The following IFT140 variants were observed in gnomAD, a reference collection of about 807,000 sequenced individuals.
The protein encoded by IFT140 is intraflagellar transport 140, also known as intraflagellar transport protein 140 homolog.
Under a neutral mutation model 164.6 loss-of-function variants are expected in IFT140, and 133 were observed. That is an observed-to-expected ratio of 0.81 (90% CI 0.70 to 0.93). The LOEUF is 0.93. IFT140 is among the 40% of genes least tolerant of loss of function. IFT140 has a pLI of 0.00. For synonymous variants in IFT140, 860 were observed against 817.3 expected (o/e 1.05, Z -0.89); for missense variants, 2,045 against 1,972.3 (o/e 1.04, Z -0.70).
At chr16:1,565,596 G>A (rs1047808757) in intron 16 of IFT140, among the ~76,000 whole-genome samples, 3 of 152,322 alleles carry the variant, frequency 2.0e-5, no homozygotes, top group East Asian at 3.9e-4. Flanking sequence ...CAGGGTGCCC[G>A]TCCTGCTTTC....
In IFT140 at chr16:1,520,246, T is replaced by C. The variant is rs2141144779; in HGVS notation, c.3758A>G (p.Tyr1253Cys). ...CTTCCGCCAGTCCAGGGACTGCAGG[T>C]AGTTAGCAGCCATGATGTAGATTTC... ...QKEIYIMAAN[Y>C]LQSLDWRKEP... The change falls in exon 28 of 31, where the codon TAC becomes TGC. Residue 1253 changes from tyrosine (Y) to cysteine (C), a missense_variant. Physicochemically the swap from Tyr to Cys is radical, Grantham distance 194. Transcript: ENST00000426508. 6.2e-7 allele frequency: 1 copy of C among 1,614,112 alleles called. No individual in the cohort carries two copies. The highest frequency in any genetic ancestry group is 8.5e-7 in the Non-Finnish European group (1 of 1,180,024).
At chr16:1,575,996 T>C (rs558189528) in intron 13 of IFT140, among the ~76,000 whole-genome samples, 2 of 152,120 alleles carry the variant, frequency 1.3e-5, no homozygotes, top group Non-Finnish European at 2.9e-5. Flanking sequence ...TCAATAAAGA[T>C]ATTTAAAGGC....
intron 19 of IFT140, among the ~76,000 whole-genome samples, chr16:1,544,780 C>T (rs918953577): frequency 3.3e-5 from 5 of 151,782 alleles, no homozygotes; most frequent in Non-Finnish European, 7.4e-5. Flanking sequence ...TCCCGAGTAG[C>T]TGGGACTACA....
rs200228341 is a variant in IFT140, at chr16:1,511,073, C to T, written c.4260G>A (p.Val1420=). ...GACCCAGCCCCCGGTGCACGGCGTC[C>T]ACGGCCTGCGGGCTCACGTAGTAGG... is the stretch of plus-strand genomic sequence containing the variant. ...NMSYYVSPQA[V]DAVHRGLGLP... The change falls in exon 31 of 31, where the codon GTG becomes GTA. Residue 1420 remains valine, a synonymous_variant. Transcript: ENST00000426508. 1 of 1,609,388 alleles carries T rather than the reference C, an allele frequency of 6.2e-7. No individual in the cohort carries two copies.
At chr16:1,611,874 T>C (rs2036329244) in intron 1 of IFT140, 94 bp downstream of exon 1, 1 of 151,760 alleles carries the variant, frequency 6.6e-6, no homozygotes, top group Non-Finnish European at 1.5e-5. Context: ...TCTGCTTTCT[T>C]GCTATGAAGA....
intron 19 of IFT140, among the ~76,000 whole-genome samples, chr16:1,547,769 C>T (rs943507463): frequency 6.6e-6 from 1 of 152,204 alleles, no homozygotes; most frequent in Non-Finnish European, 1.5e-5. Context: ...CTTCTGACCT[C>T]AGGTGATCCA....
rs138965219 is a variant in IFT140 at position 1,569,788 on chromosome 16, A to T, written c.1653-1454T>A. Among the ~76,000 whole-genome samples, 520 of 150,586 alleles carry T rather than the reference A, an allele frequency of 3.5e-3. 5 individuals are homozygous for T. The highest frequency in any genetic ancestry group is 0.012 in the African/African-American group (498 of 41,020). Reference sequence around the variant, plus strand: ...TTTTTTTAAGAAATTGGGTTTCACCATGCTGCCCAGGCTGGTCTTGAACTC... The same window carrying T: ...TTTTTTTAAGAAATTGGGTTTCACCTTGCTGCCCAGGCTGGTCTTGAACTC... On this transcript the variant is annotated intron_variant, in intron 14 of 30. Coordinates refer to ENST00000426508, the MANE Select transcript of IFT140 (RefSeq NM_014714.4).
Position 1,586,119 on chromosome 16 carries a change from G to A in IFT140, c.1155+11C>T. 6.2e-7 allele frequency: 1 copy of A among 1,611,002 alleles called. No individual in the cohort carries two copies. The highest frequency in any genetic ancestry group is 8.5e-7 in the Non-Finnish European group (1 of 1,179,988). On this transcript the variant is annotated intron_variant, in intron 10 of 30. Coordinates refer to ENST00000426508, the MANE Select transcript of IFT140 (RefSeq NM_014714.4). ...GAAAATGAGTGCACCGAACACCCTT[G>A]GAGGCTGTACCTGGATTTGCGTGAT...
At chr16:1,582,140 G>C (rs2141777977) in intron 12 of IFT140, among the ~76,000 whole-genome samples, 1 of 152,282 alleles carries the variant, frequency 6.6e-6, no homozygotes, top group Middle Eastern at 3.4e-3. Flanking sequence ...ACTGCAATGG[G>C]CTGGGAAAGG....
chr16:1,532,993 C>G (rs1054560311), intron 19 of IFT140: 2 of 152,526 alleles, frequency 1.3e-5, no homozygotes, highest in East Asian at 3.8e-4. Flanking sequence ...GAGAGCCCCA[C>G]CCAGCACATC....
chr16:1,520,388 G>A (rs758649714), intron 27 of IFT140, 45 bp from the exon 28 acceptor site: 246 of 1,593,338 alleles, frequency 1.5e-4, no homozygotes, highest in Non-Finnish European at 2.0e-4. Context: ...GGGCTGGGCC[G>A]GGACAAGCAC....
At chr16:1,582,828 G>A (rs983224712) in intron 12 of IFT140, among the ~76,000 whole-genome samples, 6 of 152,362 alleles carry the variant, frequency 3.9e-5, no homozygotes, top group Admixed American at 2.6e-4. Context: ...GCTTGAGCCC[G>A]GGAGGCGGAG....
chr16:1,557,752 C>T (rs2033178587), intron 19 of IFT140, 183 bp downstream of exon 19: 1 of 632,786 alleles, frequency 1.6e-6, no homozygotes, highest in South Asian at 1.9e-5. Flanking sequence ...AGGCTGAGAG[C>T]TTCCCACGTG....
At position 1,531,052 on chromosome 16, in the gene IFT140, C is replaced by T. The variant is rs182589055; in HGVS notation, c.2400-4256G>A. ...CTCCTTCCACAGCCAGCCTCCTGCT[C>T]GAGGGCACCAGCCCCGCGTGATTCC... On this transcript the variant is annotated intron_variant, in intron 19 of 30. Transcript: ENST00000426508. The surrounding 1 kb of genome is among the most constrained non-coding windows in gnomAD (Gnocchi z 4.7). The T allele has an allele frequency of 2.0e-4, 30 of 152,146 alleles. No individual in the cohort carries two copies. The highest frequency in any genetic ancestry group is 6.5e-4 in the African/African-American group (27 of 41,484). 9.4% of individuals were successfully genotyped at this position (152,146 alleles called of 1,614,324 possible). A position where few individuals can be genotyped will look rare whatever the true frequency, so the allele number is the denominator to read the frequency against.
intron 13 of IFT140, chr16:1,579,195 G>A (rs182311933): frequency 6.6e-6 from 1 of 152,236 alleles, no homozygotes; most frequent in African/African-American, 2.4e-5. Context: ...TCGTAAGGAA[G>A]GGAAAATATG....
intron 13 of IFT140, among the ~76,000 whole-genome samples, chr16:1,575,843 C>T (rs2034247873): frequency 6.6e-6 from 1 of 152,060 alleles, no homozygotes; most frequent in Non-Finnish European, 1.5e-5. Context: ...CCCATTCACC[C>T]TTTCCCATCA....
In IFT140 at chr16:1,553,956, T is replaced by C. The variant is rs183748612; in HGVS notation, c.2399+3979A>G. On this transcript the variant is annotated intron_variant, in intron 19 of 30. Coordinates refer to ENST00000426508, the MANE Select transcript of IFT140 (RefSeq NM_014714.4). This position sits in a 1 kb window ranked among gnomAD's most constrained non-coding sequence, Gnocchi z 4.4. Reference sequence around the variant, plus strand: ...AAAGATAAAACTGTAAGTGAAACTGTAGCATCAGCGACTAACTAGACGGGA... The same window carrying C: ...AAAGATAAAACTGTAAGTGAAACTGCAGCATCAGCGACTAACTAGACGGGA... 4.7e-5 allele frequency: 61 copies of C among 1,287,094 alleles called. No individual in the cohort carries two copies. The African/African-American group carries it at 8.2e-4, about 17-fold the overall frequency. The allele number at this position is 1,287,094 out of a possible 1,614,324, so 79.7% of individuals were successfully genotyped here.
rs752553987 is a variant in IFT140, at chr16:1,519,906, C to A, written c.4015G>T (p.Val1339Leu). Residue 1339 changes from valine (V) to leucine (L), a missense_variant, in exon 29 of 31, where the codon GTG becomes TTG. By Grantham distance (32) the Val-to-Leu change is conservative. Transcript: ENST00000426508. ...LAQLQSRMAL[V>L]KRFIQARRTY... is the part of the protein sequence containing the mutation. Reference sequence around the variant, plus strand: ...CTGCGGGCCTGGATGAACCTCTTCACCAGTGCCATCCTGCTCTGCAGCTGC... The same window carrying A: ...CTGCGGGCCTGGATGAACCTCTTCAACAGTGCCATCCTGCTCTGCAGCTGC... The A allele has an allele frequency of 6.4e-7, 1 of 1,572,216 alleles. No individual in the cohort carries two copies. Among genetic ancestry groups the A allele is most frequent in the Admixed American group, 1.9e-5 (1 of 51,942 alleles).
chr16:1,585,115 A>T (rs1419482241), intron 10 of IFT140, among the ~76,000 whole-genome samples: 1 of 152,238 alleles, frequency 6.6e-6, no homozygotes, highest in East Asian at 1.9e-4. Context: ...CAGAGAAATT[A>T]AAACATCCTC....
Sources: gnomAD v4.1 joint callset for allele counts (sites outside exome capture counted in the v4.1 genomes callset) on GRCh38, gnomAD v4.1.1 for gene constraint, Gnocchi (gnomAD v3.1) non-coding constraint, MANE v1.5 for transcripts, NCBI Gene and HGNC (gene_info 2026-07-23, HGNC 2026-07-21) for gene names.